The following PLCB1 variants were observed in gnomAD, a reference collection of about 807,000 sequenced individuals.
PLCB1 encodes the protein 1-phosphatidylinositol 4,5-bisphosphate phosphodiesterase beta-1.
PLCB1 carries 46 observed loss-of-function variants against 161.8 expected under a neutral mutation model. That is an observed-to-expected ratio of 0.28 (90% confidence interval 0.22 to 0.36). The LOEUF (loss-of-function observed/expected upper bound fraction) is 0.36, where lower values mean the gene tolerates loss of function less well. Among genes scored for constraint, PLCB1 ranks in the 10% least tolerant of loss-of-function variants. The pLI is 1.00. For missense variants in PLCB1, 1,016 were observed against 1,472.5 expected (o/e 0.69, Z 5.07); for synonymous variants, 517 against 503.7 (o/e 1.03, Z -0.35).
intron 31 of PLCB1, among the ~76,000 whole-genome samples, chr20:8,848,309 TTA>T (rs1986762511): frequency 6.6e-6 from 1 of 152,062 alleles, no homozygotes. Context: ...CCTGGAAGCT[TTA>T]CATCATTATT....
At chr20:8,435,683 A>G (rs1352105142) in intron 3 of PLCB1, among the ~76,000 whole-genome samples, 2 of 152,140 alleles carry the variant, frequency 1.3e-5, no homozygotes, top group African/African-American at 2.4e-5. Context: ...TTGGAAGTGG[A>G]TTATTCCCCA....
chr20:8,710,608 G>C (rs1043020878), intron 12 of PLCB1, among the ~76,000 whole-genome samples: 1 of 136,692 alleles, frequency 7.3e-6, no homozygotes, highest in African/African-American at 2.7e-5. Flanking sequence ...TCCATCTCCC[G>C]AGTTCAAGCA....
chr20:8,262,252 T>C (rs933673792), intron 2 of PLCB1, among the ~76,000 whole-genome samples: 2 of 152,140 alleles, frequency 1.3e-5, no homozygotes, highest in Admixed American at 1.3e-4. Flanking sequence ...AGGCTACTTT[T>C]TTTTTTTATT....
chr20:8,142,025 C>A (rs949818959), intron 1 of PLCB1: 4 of 152,226 alleles, frequency 2.6e-5, no homozygotes, highest in Non-Finnish European at 5.9e-5. Context: ...ATTACTTGTG[C>A]AGGGAGGTAG....
At chr20:8,640,152 T>G (rs1160754156) in intron 4 of PLCB1, among the ~76,000 whole-genome samples, 2 of 152,192 alleles carry the variant, frequency 1.3e-5, no homozygotes, top group African/African-American at 4.8e-5. Context: ...ATGAGAAAAT[T>G]ATATTTCAGC....
intron 1 of PLCB1, among the ~76,000 whole-genome samples, chr20:8,138,886 C>A (rs1343313511): frequency 6.6e-6 from 1 of 151,796 alleles, no homozygotes; most frequent in African/African-American, 2.4e-5. Flanking sequence ...AATTTGTATT[C>A]CAAAAATGGT....
intron 11 of PLCB1, among the ~76,000 whole-genome samples, chr20:8,706,284 T>C (rs1481050323): frequency 1.3e-5 from 2 of 152,108 alleles, no homozygotes; most frequent in Admixed American, 6.5e-5. Flanking sequence ...TTGGCCAAAA[T>C]AAAACCACGG....
At chr20:8,306,989 T>G (rs1401864066) in intron 2 of PLCB1, among the ~76,000 whole-genome samples, 1 of 152,244 alleles carries the variant, frequency 6.6e-6, no homozygotes, top group Non-Finnish European at 1.5e-5. Flanking sequence ...ATCTCTGATT[T>G]AAATCATTCA....
At chr20:8,264,830 C>A (rs930694049) in intron 2 of PLCB1, among the ~76,000 whole-genome samples, 4 of 152,050 alleles carry the variant, frequency 2.6e-5, no homozygotes, top group Admixed American at 6.6e-5. Context: ...GATATTTTCA[C>A]CTTAGCAAAT....
chr20:8,704,861 A>G (rs1978574520), intron 11 of PLCB1, among the ~76,000 whole-genome samples: 1 of 152,138 alleles, frequency 6.6e-6, no homozygotes, highest in South Asian at 2.1e-4. Context: ...TCCCAATCCA[A>G]AGGCCTAAGA....
chr20:8,424,816 G>C (rs550118366), intron 3 of PLCB1, among the ~76,000 whole-genome samples: 1 of 152,232 alleles, frequency 6.6e-6, no homozygotes, highest in East Asian at 1.9e-4. Context: ...AGCAAAGAAA[G>C]AATGAAGGAA....
At chr20:8,483,817 T>C (rs1043468251) in intron 3 of PLCB1, among the ~76,000 whole-genome samples, 2 of 152,162 alleles carry the variant, frequency 1.3e-5, no homozygotes, top group Admixed American at 1.3e-4. Context: ...CATTTCATAA[T>C]GGATCGAAGA....
chr20:8,724,178 T>TAAA (rs3034831), intron 15 of PLCB1, among the ~76,000 whole-genome samples: 2,524 of 147,836 alleles, frequency 0.017, 53 homozygotes, highest in African/African-American at 0.047. Context: ...TTTATTTATA[T>TAAA]AAAAAAAAAA....
At chr20:8,416,139 A>T (rs1171205580) in intron 3 of PLCB1, among the ~76,000 whole-genome samples, 1 of 152,170 alleles carries the variant, frequency 6.6e-6, no homozygotes, top group African/African-American at 2.4e-5. Context: ...TGTTTGACTC[A>T]TGTGTGTTGA....
At chr20:8,518,295 T>A (rs1256345088) in intron 3 of PLCB1, among the ~76,000 whole-genome samples, 1 of 152,176 alleles carries the variant, frequency 6.6e-6, no homozygotes, top group African/African-American at 2.4e-5. Flanking sequence ...GACTAATGAA[T>A]CCCAACATGC....
chr20:8,575,438 T>A (rs1013735413), intron 3 of PLCB1, among the ~76,000 whole-genome samples: 3 of 152,228 alleles, frequency 2.0e-5, no homozygotes, highest in Non-Finnish European at 4.4e-5. Context: ...CCCATATGAC[T>A]CTTGCATTTT....
rs1988054875 is a variant in PLCB1 at position 8,883,144 on chromosome 20, G to T, written c.*1295G>T. 6.6e-6 allele frequency: 1 copy of T among 152,136 alleles called. No individual in the cohort carries two copies. The highest frequency in any genetic ancestry group is 1.9e-4 in the East Asian group (1 of 5,192). The allele number at this position is 152,136 out of a possible 1,614,324, so 9.4% of individuals were successfully genotyped here. On this transcript the variant is annotated 3_prime_UTR_variant, in exon 32 of 32. Transcript: ENST00000338037. ...TGCAAGATCAAAAATTAGATGTTAAGTATCAGATTTTAAGCTTGTTTTAAT... is the reference window on the plus strand; with the variant it reads ...TGCAAGATCAAAAATTAGATGTTAATTATCAGATTTTAAGCTTGTTTTAAT...
chr20:8,509,258 G>A (rs1445436041), intron 3 of PLCB1, among the ~76,000 whole-genome samples: 1 of 152,120 alleles, frequency 6.6e-6, no homozygotes, highest in East Asian at 1.9e-4. Flanking sequence ...TTGCCCATGT[G>A]TGGCTAGACA....
intron 4 of PLCB1, among the ~76,000 whole-genome samples, chr20:8,642,916 G>A (rs1446099068): frequency 6.6e-6 from 1 of 152,214 alleles, no homozygotes; most frequent in Non-Finnish European, 1.5e-5. Context: ...TTGGCCATGA[G>A]CCTACAAAAT....
Sources: gnomAD v4.1 joint callset for allele counts (sites outside exome capture counted in the v4.1 genomes callset) on GRCh38, gnomAD v4.1.1 for gene constraint, MANE v1.5 for transcripts, NCBI Gene and HGNC (gene_info 2026-07-23, HGNC 2026-07-21) for gene names.